Variants in OXSR1 observed in about 807,000 individuals in gnomAD.
OXSR1 encodes oxidative stress responsive kinase 1.
Under a neutral mutation model 79.8 loss-of-function variants are expected in OXSR1, and 24 were observed. The observed-to-expected ratio is 0.30, with a 90% CI of 0.22 to 0.42. The LOEUF (loss-of-function observed/expected upper bound fraction) is 0.42, where lower values mean the gene tolerates loss of function less well. Among genes scored for constraint, OXSR1 ranks in the 10% least tolerant of loss-of-function variants. OXSR1 has a pLI of 1.00. For synonymous variants in OXSR1, 226 were observed against 209.2 expected, an observed-to-expected ratio of 1.08 and a Z score of -0.69; for missense variants, 430 against 618.4, an observed-to-expected ratio of 0.70 and a Z score of 3.23.
chr3:38,200,920 T>G (rs1041962261), intron 4 of OXSR1, among the ~76,000 whole-genome samples: 8 of 152,238 alleles, frequency 5.3e-5, no homozygotes, highest in Non-Finnish European at 1.0e-4. Context: ...GGTCCCATGC[T>G]AGCCTTGCCT....
chr3:38,253,746 C>T lies in OXSR1; in HGVS notation c.*855C>T, dbSNP rs1703306095. 6.3e-6 allele frequency: 1 copy of T among 159,822 alleles called. No homozygotes were observed. Among genetic ancestry groups the T allele is most frequent in the Admixed American group, 6.5e-5 (1 of 15,474 alleles). The allele number at this position is 159,822 out of a possible 1,614,324, so 9.9% of individuals were successfully genotyped here. ...TTTCAAATATCAAATTGAAGAAAAA[C>T]TCAATCCTCCCATGAAAATCAGTTC... On this transcript the variant is annotated 3_prime_UTR_variant, in exon 18 of 18. Coordinates refer to ENST00000311806, the MANE Select transcript of OXSR1 (RefSeq NM_005109.3).
intron 10 of OXSR1, among the ~76,000 whole-genome samples, chr3:38,236,394 G>A (rs1702919239): frequency 6.6e-6 from 1 of 152,120 alleles, no homozygotes; most frequent in Admixed American, 6.6e-5. Flanking sequence ...AGGTTAGGAG[G>A]TTGCTGTTTT....
intron 8 of OXSR1, among the ~76,000 whole-genome samples, chr3:38,228,204 A>G (rs1055402337): frequency 1.3e-5 from 2 of 152,204 alleles, no homozygotes; most frequent in African/African-American, 4.8e-5. Flanking sequence ...TATTTTGCAC[A>G]CAGAAATTGA....
At chr3:38,179,618 AG>A (rs1701743448) in intron 1 of OXSR1, among the ~76,000 whole-genome samples, 8 of 152,302 alleles carry the variant, frequency 5.3e-5, no homozygotes, top group African/African-American at 1.9e-4. Flanking sequence ...ATTGTCCCTC[AG>A]TATATGTGGG....
chr3:38,190,335 A>G (rs542230334), intron 2 of OXSR1, among the ~76,000 whole-genome samples: 2 of 152,274 alleles, frequency 1.3e-5, no homozygotes, highest in East Asian at 3.9e-4. Context: ...GCAAAGAAAA[A>G]AAAATCCCTA....
intron 10 of OXSR1, among the ~76,000 whole-genome samples, chr3:38,234,008 T>A (rs1702867402): frequency 6.6e-6 from 1 of 152,046 alleles, no homozygotes; most frequent in Non-Finnish European, 1.5e-5. Context: ...GACTAAAGAA[T>A]CATCATCTTC....
At position 38,221,689 on chromosome 3, in the gene OXSR1, T is replaced by TA. The variant is rs1702594393; in HGVS notation, c.600+3dup. ...ATGGCACCTGAAGTTATGGAACAGG[T>TA]ACCGTGTCTTTTTTTCTGTTTTAAA... On this transcript the variant is annotated splice_region_variant and intron_variant, in intron 6 of 17. Coordinates refer to ENST00000311806, the MANE Select transcript of OXSR1 (RefSeq NM_005109.3). The TA allele has an allele frequency of 4.5e-6, 7 of 1,566,430 alleles. No homozygotes were observed. Among genetic ancestry groups the TA allele is most frequent in the Non-Finnish European group, 6.2e-6 (7 of 1,137,792 alleles).
intron 4 of OXSR1, among the ~76,000 whole-genome samples, chr3:38,203,456 C>A (rs1008922259): frequency 1.3e-5 from 2 of 152,156 alleles, no homozygotes; most frequent in African/African-American, 4.8e-5. Context: ...CTCTTCTCCG[C>A]ACACAGGGAG....
In OXSR1 at chr3:38,167,018, C is replaced by T. The variant is rs372653508; in HGVS notation, c.70+1072C>T. Among the ~76,000 whole-genome samples the T allele has an allele frequency of 3.1e-4, 47 of 152,126 alleles. 1 individual carries two copies. In the South Asian group the frequency reaches 9.5e-3, roughly 31 times the overall value. On this transcript the variant is annotated intron_variant, in intron 1 of 17. Transcript: ENST00000311806. ...ACAGAGGGATATAGAGATGCAGTGG[C>T]CTTGAGTAAGGGAAGAGCTTGATTT...
At position 38,224,577 on chromosome 3, in the gene OXSR1, A is replaced by G. The variant is rs1296116472; in HGVS notation, c.709A>G (p.Met237Val). The G allele has an allele frequency of 2.5e-6, 4 of 1,581,636 alleles. No individual in the cohort carries two copies. The highest frequency in any genetic ancestry group is 3.4e-6 in the Non-Finnish European group (4 of 1,170,164). ...ATATTGAAAATTCTTGCAGGTTTTA[A>G]TGCTGACACTGCAGAACGATCCTCC... ...YHKYPPMKVL[M>V]LTLQNDPPSL... Residue 237 changes from methionine to valine, a missense_variant, in exon 8 of 18, where the codon ATG (methionine) becomes GTG (valine). By Grantham distance (21) the Met-to-Val change is conservative (BLOSUM62 1). Around this residue, in one of 3 missense-constraint regions of OXSR1, gnomAD observed 276 missense variants for 354.2 expected, o/e 0.78. Coordinates refer to ENST00000311806, the MANE Select transcript of OXSR1 (RefSeq NM_005109.3).
At chr3:38,216,779 A>AG (rs1272418568) in intron 5 of OXSR1, among the ~76,000 whole-genome samples, 6 of 152,214 alleles carry the variant, frequency 3.9e-5, no homozygotes, top group Admixed American at 1.3e-4. Context: ...GTTTGGCAGG[A>AG]GGAAGATAAT....
chr3:38,165,796 G>A lies in OXSR1; in HGVS notation c.-81G>A, dbSNP rs1048974546. ...GGGCGCGGCGGCGGCGGCGGCGGCT[G>A]TTGGGGGTGGGGAGACGCGCGGCGA... On this transcript the variant is annotated 5_prime_UTR_variant, in exon 1 of 18. Transcript: ENST00000311806. The A allele has an allele frequency of 6.3e-6, 8 of 1,277,824 alleles. No homozygotes were observed. In the East Asian group the frequency reaches 9.9e-5, roughly 16 times the overall value. The allele number at this position is 1,277,824 out of a possible 1,614,324, so 79.2% of individuals were successfully genotyped here.
chr3:38,198,539 T>G (rs1702106247), intron 3 of OXSR1, among the ~76,000 whole-genome samples, 183 bp from the exon 4 acceptor site: 1 of 152,228 alleles, frequency 6.6e-6, no homozygotes, highest in Non-Finnish European at 1.5e-5. Flanking sequence ...ACTTTTTGTT[T>G]TAGATTGGAA....
Position 38,242,766 on chromosome 3 carries a change from A to G in OXSR1, c.1098A>G (p.Ile366Met), listed in dbSNP as rs369634764. 7.7e-6 allele frequency: 12 copies of G among 1,558,612 alleles called. No homozygotes were observed. The highest frequency in any genetic ancestry group is 1.1e-5 in the Non-Finnish European group (12 of 1,138,852). Reference sequence around the variant, plus strand: ...AGTCTCCCCGAGTGAAAGAATCAATATCAAATTCTGAGGTAAGTAATTGTG... The same window carrying G: ...AGTCTCCCCGAGTGAAAGAATCAATGTCAAATTCTGAGGTAAGTAATTGTG... Reference protein sequence around the residue: ...QLRSPRVKESISNSELFPTTD... With the variant: ...QLRSPRVKESMSNSELFPTTD... The change falls in exon 12 of 18, where the codon ATA (isoleucine) becomes ATG (methionine). Residue 366 changes from isoleucine to methionine, a missense_variant. Ile to Met is a conservative substitution (Grantham distance 10). Around this residue, in one of 3 missense-constraint regions of OXSR1, gnomAD observed 276 missense variants for 354.2 expected, o/e 0.78. Coordinates refer to ENST00000311806, the MANE Select transcript of OXSR1 (RefSeq NM_005109.3).
chr3:38,190,233 A>C (rs1701957574), intron 2 of OXSR1, among the ~76,000 whole-genome samples: 1 of 152,084 alleles, frequency 6.6e-6, no homozygotes, highest in Admixed American at 6.6e-5. Flanking sequence ...TCAGATTTCT[A>C]CTCTGGATTT....
intron 3 of OXSR1, among the ~76,000 whole-genome samples, chr3:38,192,167 A>G (rs1184058909): frequency 6.6e-6 from 1 of 152,186 alleles, no homozygotes; most frequent in Non-Finnish European, 1.5e-5. Flanking sequence ...GTGTCTTTCC[A>G]TCAGTTATAC....
chr3:38,230,918 T>C (rs1033251451), intron 10 of OXSR1, among the ~76,000 whole-genome samples: 13 of 152,244 alleles, frequency 8.5e-5, no homozygotes, highest in Admixed American at 3.3e-4. Flanking sequence ...TCCATGATAC[T>C]TTTATGAACC....
At chr3:38,187,300 TA>T (rs781101243) in intron 2 of OXSR1, among the ~76,000 whole-genome samples, 1 of 152,222 alleles carries the variant, frequency 6.6e-6, no homozygotes, top group Non-Finnish European at 1.5e-5. Context: ...ATGACCCACA[TA>T]GATTACAACA....
chr3:38,215,871 G>C (rs1474982885), intron 4 of OXSR1, among the ~76,000 whole-genome samples: 1 of 152,068 alleles, frequency 6.6e-6, no homozygotes, highest in African/African-American at 2.4e-5. Context: ...TTGATCACTT[G>C]TGTTTTCTAG....
Sources: gnomAD v4.1 joint callset for allele counts (sites outside exome capture counted in the v4.1 genomes callset) on GRCh38, gnomAD v4.1.1 for gene constraint, gnomAD v4.1.1 regional missense constraint, MANE v1.5 for transcripts, NCBI Gene and HGNC (gene_info 2026-07-23, HGNC 2026-07-21) for gene names.